Variants in URI1 observed in about 807,000 individuals in gnomAD.
URI1 encodes the protein unconventional prefoldin RPB5 interactor 1.
In URI1, 39 loss-of-function variants were observed where a neutral mutation model predicts 60.2. That is an observed-to-expected ratio of 0.65 (90% CI 0.50 to 0.85). URI1 has a LOEUF of 0.85. Ranked by LOEUF, URI1 falls within the 40% of genes least tolerant of loss-of-function variation. The pLI is 0.00. For missense variants in URI1, 691 were observed against 665.9 expected (o/e 1.04, Z -0.42); for synonymous variants, 251 against 236.8 (o/e 1.06, Z -0.55).
chr19:29,973,322 C>T (rs893172815), intron 2 of URI1, among the ~76,000 whole-genome samples: 1 of 152,132 alleles, frequency 6.6e-6, no homozygotes, highest in Admixed American at 6.5e-5. Context: ...TATGAAGCAA[C>T]TACAGGAGTT....
chr19:30,002,706 A>T (rs1457846584), intron 4 of URI1, among the ~76,000 whole-genome samples: 1 of 151,906 alleles, frequency 6.6e-6, no homozygotes, highest in Non-Finnish European at 1.5e-5. Context: ...GGGGGGAAGT[A>T]TCTGTGGAGA....
Position 30,000,075 on chromosome 19 carries a change from A to G in URI1, c.368-5286A>G, listed in dbSNP as rs949771704. ...ATGTCCTCCCTGTCTCTGCTTCTCT[A>G]ATCTTTTTGCTATTGTTGTATCACA... On this transcript the variant is annotated intron_variant, in intron 4 of 10. Transcript: ENST00000392271. 3.7e-4 allele frequency among the ~76,000 whole-genome samples: 56 copies of G among 151,236 alleles called. 1 individual carries two copies. The highest frequency in any genetic ancestry group is 8.9e-5 in the Non-Finnish European group (6 of 67,744).
intron 4 of URI1, among the ~76,000 whole-genome samples, chr19:30,000,170 T>A (rs2055860534): frequency 6.6e-6 from 1 of 151,962 alleles, no homozygotes; most frequent in Non-Finnish European, 1.5e-5. Context: ...AGGCTTTTAG[T>A]TGAATTTAAC....
Position 29,957,092 on chromosome 19 carries a change from A to C in URI1, c.118-14101A>C, listed in dbSNP as rs150238270. On this transcript the variant is annotated intron_variant, in intron 1 of 10. Transcript: ENST00000392271. ...ATTTTCCTGCTTATAATTCTTTTGG[A>C]TTTATCAGCAGGAAAACCGTAAAAG... 56 of 489,736 alleles carry C rather than the reference A, an allele frequency of 1.1e-4. No homozygotes were observed. In the East Asian group the frequency reaches 2.0e-3, roughly 18 times the overall value. 30.3% of individuals were successfully genotyped at this position (489,736 alleles called of 1,614,324 possible).
At chr19:29,943,949 A>G (rs1236141431) in intron 1 of URI1, among the ~76,000 whole-genome samples, 1 of 151,162 alleles carries the variant, frequency 6.6e-6, no homozygotes. Context: ...AGCCTGGGCA[A>G]CACAGGGAGA....
chr19:29,967,119 G>A (rs2055400690), intron 1 of URI1, among the ~76,000 whole-genome samples: 1 of 152,098 alleles, frequency 6.6e-6, no homozygotes, highest in Non-Finnish European at 1.5e-5. Flanking sequence ...GCATGTTACT[G>A]CTCTCCTTTA....
At chr19:29,995,074 G>A (rs913355696) in intron 4 of URI1, among the ~76,000 whole-genome samples, 6 of 152,132 alleles carry the variant, frequency 3.9e-5, no homozygotes, top group South Asian at 4.2e-4. Context: ...GAGCCACCAC[G>A]CCCGGCCCTA....
At chr19:29,931,351 T>C (rs1260589390) in intron 1 of URI1, among the ~76,000 whole-genome samples, 2 of 152,206 alleles carry the variant, frequency 1.3e-5, no homozygotes, top group African/African-American at 4.8e-5. Context: ...AGCCAGTTTC[T>C]CATGAAGTTT....
intron 2 of URI1, among the ~76,000 whole-genome samples, chr19:29,983,818 C>T (rs926270776): frequency 3.9e-5 from 6 of 152,148 alleles, no homozygotes; most frequent in South Asian, 2.1e-4. Context: ...CATGGAAATA[C>T]GATCATCTCT....
chr19:29,956,336 G>A, intron 1 of URI1: 1 of 464,078 alleles, frequency 2.2e-6, no homozygotes, highest in Non-Finnish European at 3.5e-6. Context: ...GTCTTTTATT[G>A]CATCATTGAA....
chr19:29,925,792 G>A (rs1338148639), intron 1 of URI1: 1 of 152,176 alleles, frequency 6.6e-6, no homozygotes, highest in Non-Finnish European at 1.5e-5. Flanking sequence ...TGGAGGGGAT[G>A]GTCCACACTT....
intron 4 of URI1, among the ~76,000 whole-genome samples, chr19:29,999,729 C>G (rs561531537): frequency 2.6e-5 from 4 of 151,946 alleles, no homozygotes; most frequent in South Asian, 4.2e-4. Flanking sequence ...AATGTGTATG[C>G]TCTTGAGTAT....
At chr19:30,010,576 GA>G (rs2056004663) in intron 8 of URI1, among the ~76,000 whole-genome samples, 4 of 152,176 alleles carry the variant, frequency 2.6e-5, no homozygotes, top group Admixed American at 2.6e-4. Flanking sequence ...ACTAGGGATA[GA>G]AAAATAACAT....
At chr19:29,926,550 G>C (rs1319409450) in intron 1 of URI1, among the ~76,000 whole-genome samples, 2 of 152,134 alleles carry the variant, frequency 1.3e-5, no homozygotes, top group South Asian at 4.1e-4. Context: ...CCAAAGTGCT[G>C]GGATTGCAGG....
chr19:29,958,675 T>G (rs768251463), intron 1 of URI1, among the ~76,000 whole-genome samples: 6 of 151,882 alleles, frequency 4.0e-5, no homozygotes, highest in Non-Finnish European at 8.8e-5. Context: ...TTTGATTAAC[T>G]CTACCAGGGT....
chr19:29,941,730 A>T (rs1262122592), upstream of URI1, among the ~76,000 whole-genome samples: 5 of 151,190 alleles, frequency 3.3e-5, no homozygotes, highest in Non-Finnish European at 7.4e-5. Context: ...TAATTTATAT[A>T]AGAGAAAATA....
Position 30,005,457 on chromosome 19 carries a change from G to A in URI1, c.459+5G>A. The stretch of plus-strand genomic sequence containing the variant: ...GATTTGCAGAAAATGAGCGATGTGA[G>A]TATTTGTTTTTAGTCTTCTATATTT... On this transcript the variant is annotated splice_donor_5th_base_variant and intron_variant, in intron 5 of 10. Coordinates refer to ENST00000392271, the MANE Select transcript of URI1 (RefSeq NM_003796.3). 6.3e-7 allele frequency: 1 copy of A among 1,586,486 alleles called. No homozygotes were observed. Among genetic ancestry groups the A allele is most frequent in the East Asian group, 2.3e-5 (1 of 44,402 alleles).
Position 29,986,372 on chromosome 19 carries a change from T to A in URI1, c.322T>A (p.Cys108Ser), listed in dbSNP as rs2055669889. ...VLLGDNWFAK[C>S]SAKQAVGLVE... ...ACTGGGGGACAACTGGTTTGCAAAGTGCTCAGCAAAGCAGGCTGTAGGTTT... is the reference window on the plus strand; with the variant it reads ...ACTGGGGGACAACTGGTTTGCAAAGAGCTCAGCAAAGCAGGCTGTAGGTTT... The change falls in exon 4 of 11, where the codon TGC (cysteine) becomes AGC (serine). Residue 108 changes from cysteine (C) to serine (S), a missense_variant. By Grantham distance (112) the Cys-to-Ser change is moderately radical (BLOSUM62 -1). Coordinates refer to ENST00000392271, the MANE Select transcript of URI1 (RefSeq NM_003796.3). 1 of 1,610,228 alleles carries A rather than the reference T, an allele frequency of 6.2e-7. No homozygotes were observed. Among genetic ancestry groups the A allele is most frequent in the Non-Finnish European group, 8.5e-7 (1 of 1,179,382 alleles).
chr19:29,924,421 G>A (rs1010975516), intron 1 of URI1, among the ~76,000 whole-genome samples: 5 of 152,140 alleles, frequency 3.3e-5, no homozygotes, highest in Admixed American at 6.5e-5. Flanking sequence ...ATTGTTGCTC[G>A]GTGTACTGGC....
Sources: allele counts gnomAD v4.1 joint callset (sites outside exome capture counted in the v4.1 genomes callset), GRCh38; gene constraint gnomAD v4.1.1; transcripts MANE v1.5; gene names NCBI Gene and HGNC (gene_info 2026-07-23, HGNC 2026-07-21).